The following AOAH variants were observed in gnomAD, a reference collection of about 807,000 sequenced individuals.
AOAH encodes the protein acyloxyacyl hydrolase (neutrophil).
In AOAH, 64 loss-of-function variants were observed where a neutral mutation model predicts 92.2. The ratio of observed to expected loss-of-function variants is 0.69; its 90% confidence interval spans 0.57 to 0.86. The LOEUF is 0.86. AOAH is among the 40% of genes least tolerant of loss of function. The pLI, the probability that AOAH is intolerant of heterozygous loss-of-function variation, is 0.00. For synonymous variants in AOAH, 263 were observed against 254.5 expected (o/e 1.03, Z -0.32); for missense variants, 656 against 694.6 (o/e 0.94, Z 0.62).
chr7:36,546,604 A>G (rs955053032), intron 15 of AOAH, among the ~76,000 whole-genome samples: 1 of 152,140 alleles, frequency 6.6e-6, no homozygotes, highest in African/African-American at 2.4e-5. Flanking sequence ...GGCTGGAGGG[A>G]TCTGGGTAAG....
chr7:36,610,875 A>G (rs1035764979), intron 11 of AOAH, among the ~76,000 whole-genome samples: 1 of 152,188 alleles, frequency 6.6e-6, no homozygotes, highest in Non-Finnish European at 1.5e-5. Context: ...AAGAAAAATG[A>G]GAGACACATG....
In AOAH at chr7:36,631,344, T is replaced by C. The variant is rs1793076144; in HGVS notation, c.521+692A>G. On this transcript the variant is annotated intron_variant, in intron 6 of 20. Transcript: ENST00000617537. ...CCTGGGCAACAAGAGCGACACTCCA[T>C]CATCTCAAAAAAAAAAAAAAAGAAG... Among the ~76,000 whole-genome samples the C allele has an allele frequency of 4.6e-5, 6 of 130,536 alleles. No homozygotes were observed. The South Asian group carries it at 1.7e-3, about 38-fold the overall frequency. The allele number at this position is 130,536 out of a possible 152,430, so 85.6% of individuals were successfully genotyped here. A position where few individuals can be genotyped will look rare whatever the true frequency, so the allele number is the denominator to read the frequency against.
At chr7:36,567,871 G>T (rs564174393) in intron 13 of AOAH, among the ~76,000 whole-genome samples, 7 of 152,160 alleles carry the variant, frequency 4.6e-5, no homozygotes, top group Non-Finnish European at 8.8e-5. Context: ...TCCCAGAGGC[G>T]GCATCTCTCC....
In AOAH at chr7:36,661,963, T is replaced by C. The variant is rs1795238151; in HGVS notation, c.291-2698A>G. Reference sequence around the variant, plus strand: ...AGAAAAACACTCTTGATTTTCACTTTGTGAGTAAGCAGCAGTTGTAACGGT... The same window carrying C: ...AGAAAAACACTCTTGATTTTCACTTCGTGAGTAAGCAGCAGTTGTAACGGT... On this transcript the variant is annotated intron_variant, in intron 3 of 20. Coordinates refer to ENST00000617537, the MANE Select transcript of AOAH (RefSeq NM_001637.4). Among the ~76,000 whole-genome samples the C allele has an allele frequency of 1.3e-5, 2 of 152,338 alleles. 1 individual carries two copies. Among genetic ancestry groups the C allele is most frequent in the Middle Eastern group, 6.8e-3 (2 of 294 alleles).
At chr7:36,655,676 A>T (rs902287575) in intron 4 of AOAH, among the ~76,000 whole-genome samples, 24 of 152,210 alleles carry the variant, frequency 1.6e-4, no homozygotes, top group Admixed American at 1.0e-3. Flanking sequence ...AGGCCTTCAC[A>T]TGAGGAAAGT....
At chr7:36,523,042 T>C (rs1363968729) in intron 19 of AOAH, among the ~76,000 whole-genome samples, 1 of 152,164 alleles carries the variant, frequency 6.6e-6, no homozygotes, top group Non-Finnish European at 1.5e-5. Context: ...AAGGCTGCTT[T>C]TACAATTAGT....
At chr7:36,534,946 C>CTGTG (rs1414087727) in intron 16 of AOAH, among the ~76,000 whole-genome samples, 1 of 31,812 alleles carries the variant, frequency 3.1e-5, no homozygotes, top group Non-Finnish European at 7.8e-5. Flanking sequence ...GTTTCTGTGT[C>CTGTG]TGTGTGTGTA....
intron 6 of AOAH, among the ~76,000 whole-genome samples, chr7:36,627,080 C>T (rs1342899605): frequency 6.6e-6 from 1 of 152,154 alleles, no homozygotes; most frequent in Non-Finnish European, 1.5e-5. Flanking sequence ...GGAGTCCCTG[C>T]TGTGTGCTGG....
chr7:36,626,416 A>G (rs1583977019), intron 6 of AOAH, among the ~76,000 whole-genome samples: 1 of 152,228 alleles, frequency 6.6e-6, no homozygotes, highest in African/African-American at 2.4e-5. Flanking sequence ...AAAGGCCCCA[A>G]GTGACTGGCC....
At chr7:36,701,416 C>T (rs1159601898) in intron 1 of AOAH, among the ~76,000 whole-genome samples, 1 of 150,900 alleles carries the variant, frequency 6.6e-6, no homozygotes, top group Non-Finnish European at 1.5e-5. Context: ...GTTTTCTTTT[C>T]AACTCTTTCA....
intron 2 of AOAH, 86 bp from the exon 3 acceptor site, chr7:36,674,095 T>C: frequency 1.4e-6 from 1 of 719,528 alleles, no homozygotes; most frequent in Non-Finnish European, 2.4e-6. Context: ...TGCTAGGAAC[T>C]GAAGCTGAGT....
rs1484749724 is a variant in AOAH at position 36,598,181 on chromosome 7, T to C, written c.847-3751A>G. 3 of 152,230 alleles carry C rather than the reference T, an allele frequency of 2.0e-5. No individual in the cohort carries two copies. In the East Asian group the frequency reaches 5.8e-4, roughly 29 times the overall value. 9.4% of individuals were successfully genotyped at this position (152,230 alleles called of 1,614,324 possible). A position where few individuals can be genotyped will look rare whatever the true frequency, so the allele number is the denominator to read the frequency against. On this transcript the variant is annotated intron_variant, in intron 11 of 20. Transcript: ENST00000617537. The stretch of plus-strand genomic sequence containing the variant: ...GCTACCTGGGAGATTCCTGGAATCC[T>C]TGCTGATATCTCAGAAACTAGTTAG...
At chr7:36,640,600 C>T (rs1187457577) in intron 4 of AOAH, among the ~76,000 whole-genome samples, 1 of 152,106 alleles carries the variant, frequency 6.6e-6, no homozygotes, top group South Asian at 2.1e-4. Flanking sequence ...TTGTCTGCAG[C>T]CTTTGTCTCG....
chr7:36,645,379 C>T (rs901472945), intron 4 of AOAH, among the ~76,000 whole-genome samples: 41 of 152,176 alleles, frequency 2.7e-4, no homozygotes, highest in African/African-American at 8.9e-4. Context: ...ACCTCCAGAA[C>T]TGTGAAAATA....
At chr7:36,550,666 C>G (rs996227234) in intron 13 of AOAH, among the ~76,000 whole-genome samples, 1 of 152,160 alleles carries the variant, frequency 6.6e-6, no homozygotes, top group Non-Finnish European at 1.5e-5. Flanking sequence ...GTCTTTTTGT[C>G]CCCAAGAGAC....
intron 4 of AOAH, among the ~76,000 whole-genome samples, chr7:36,647,286 T>C (rs1270115265): frequency 2.0e-5 from 3 of 152,204 alleles, no homozygotes; most frequent in African/African-American, 7.2e-5. Context: ...TTAGAGGGAA[T>C]GACTTTGAGC....
chr7:36,513,391 G>A lies in AOAH; in HGVS notation c.1600-11C>T. 1.9e-6 allele frequency: 3 copies of A among 1,611,480 alleles called. No homozygotes were observed. The highest frequency in any genetic ancestry group is 4.5e-5 in the East Asian group (2 of 44,850). On this transcript the variant is annotated splice_polypyrimidine_tract_variant and intron_variant, in intron 20 of 20. Transcript: ENST00000617537. ...CAACAGCAAAGCCACCTGTGAGAGA[G>A]AACCCAAAGGACGAGGAAAAGGGAA...
rs1795056476 is a variant in AOAH, at chr7:36,659,193, T to C, written c.363A>G (p.Pro121=). 5 of 1,613,828 alleles carry C rather than the reference T, an allele frequency of 3.1e-6. No individual in the cohort carries two copies. The highest frequency in any genetic ancestry group is 1.3e-5 in the African/African-American group (1 of 74,892). Residue 121 remains proline, a synonymous_variant, in exon 4 of 21, where the codon CCA becomes CCG. Transcript: ENST00000617537. Reference sequence around the variant, plus strand: ...TGGGAAGAGGGTAGAGATGACACAATGGTTGGCCAGTGTTCTGTTTACAAA... The same window carrying C: ...TGGGAAGAGGGTAGAGATGACACAACGGTTGGCCAGTGTTCTGTTTACAAA... ...LEFCKQNTGQ[P]LCHLYPLPKE... is the part of the protein sequence containing the mutation.
At chr7:36,565,809 G>C (rs754648413) in intron 13 of AOAH, among the ~76,000 whole-genome samples, 19 of 151,966 alleles carry the variant, frequency 1.3e-4, no homozygotes, top group Non-Finnish European at 2.1e-4. Flanking sequence ...CCAATGTGTT[G>C]AGATTACAGG....
Sources: allele counts gnomAD v4.1 joint callset (sites outside exome capture counted in the v4.1 genomes callset), GRCh38; gene constraint gnomAD v4.1.1; transcripts MANE v1.5; gene names NCBI Gene and HGNC (gene_info 2026-07-23, HGNC 2026-07-21).